TENM3: variants seen among roughly 807,000 people sequenced by gnomAD.
TENM3 encodes teneurin-3.
A neutral mutation model predicts 255.1 loss-of-function variants in TENM3; 63 were observed. The ratio of observed to expected loss-of-function variants is 0.25; its 90% CI spans 0.20 to 0.30. TENM3 has a LOEUF of 0.30. TENM3 is among the 10% of genes least tolerant of loss of function. The probability of loss-of-function intolerance (pLI) is 1.00; values close to 1 mark genes in which losing one functional copy is unlikely to be tolerated. For missense variants in TENM3, 2,929 were observed against 3,461.1 expected (o/e 0.85, Z 3.86); for synonymous variants, 1,306 against 1,322.3 (o/e 0.99, Z 0.27).
At chr4:181,498,487 G>A in the TENM3 span, among the ~76,000 whole-genome samples, 8 of 152,244 alleles carry the variant, frequency 5.3e-5, no homozygotes, top group East Asian at 9.7e-4. Context: ...AGCTTAAGAC[G>A]ATGGTAAAGG....
intron 1 of TENM3, among the ~76,000 whole-genome samples, chr4:182,198,463 T>C (rs1283128951): frequency 6.6e-6 from 1 of 152,246 alleles, no homozygotes; most frequent in Non-Finnish European, 1.5e-5. Flanking sequence ...GACACTCACA[T>C]CAGGATTGGC....
chr4:182,602,027 C>T (rs1240272145), intron 4 of TENM3, among the ~76,000 whole-genome samples: 2 of 152,206 alleles, frequency 1.3e-5, no homozygotes, highest in Non-Finnish European at 2.9e-5. Context: ...GTATGATCAG[C>T]GAAAGCTGTT....
the TENM3 span, among the ~76,000 whole-genome samples, chr4:182,053,197 A>G: frequency 1.3e-5 from 2 of 152,070 alleles, no homozygotes; most frequent in African/African-American, 2.4e-5. Context: ...CTCCTCTACA[A>G]ACCAAAAATG....
At chr4:182,120,267 A>C in the TENM3 span, among the ~76,000 whole-genome samples, 1 of 152,178 alleles carries the variant, frequency 6.6e-6, no homozygotes, top group Non-Finnish European at 1.5e-5. Flanking sequence ...CATGCTGTAC[A>C]GGTTTGTAGC....
the TENM3 span, among the ~76,000 whole-genome samples, chr4:181,793,994 G>A: frequency 6.6e-6 from 1 of 151,826 alleles, no homozygotes; most frequent in Non-Finnish European, 1.5e-5. Flanking sequence ...ATAACACCTG[G>A]CAACATCCAA....
chr4:182,145,705 G>A (rs1247049437), intron 1 of TENM3, among the ~76,000 whole-genome samples: 1 of 152,206 alleles, frequency 6.6e-6, no homozygotes, highest in Non-Finnish European at 1.5e-5. Context: ...AGGTACGTGT[G>A]AGGAGGTGCA....
At chr4:182,605,565 T>C (rs1164841224) in intron 4 of TENM3, among the ~76,000 whole-genome samples, 1 of 152,170 alleles carries the variant, frequency 6.6e-6, no homozygotes, top group African/African-American at 2.4e-5. Flanking sequence ...CTAAGTCTCT[T>C]AAAATATGGC....
At chr4:182,454,842 G>A (rs906226793) in intron 3 of TENM3, among the ~76,000 whole-genome samples, 9 of 152,224 alleles carry the variant, frequency 5.9e-5, no homozygotes, top group Middle Eastern at 3.4e-3. Flanking sequence ...AAGAGCTAAC[G>A]TTTTTGGAAA....
the TENM3 span, among the ~76,000 whole-genome samples, chr4:181,517,990 G>A: frequency 1.3e-5 from 2 of 152,164 alleles, no homozygotes; most frequent in South Asian, 4.1e-4. Flanking sequence ...GGATTAACAC[G>A]TGTTGTGTAG....
chr4:181,741,250 G>T, the TENM3 span, among the ~76,000 whole-genome samples: 7 of 152,140 alleles, frequency 4.6e-5, no homozygotes, highest in African/African-American at 1.7e-4. Flanking sequence ...ACAAGCCATG[G>T]TGTTTATTTT....
the TENM3 span, among the ~76,000 whole-genome samples, chr4:181,538,384 T>C: frequency 6.6e-6 from 1 of 152,140 alleles, no homozygotes; most frequent in African/African-American, 2.4e-5. Context: ...CATAGGCACT[T>C]GTAAGCAATA....
chr4:181,963,671 A>G, the TENM3 span, among the ~76,000 whole-genome samples: 13 of 150,412 alleles, frequency 8.6e-5, no homozygotes, highest in African/African-American at 3.3e-4. Flanking sequence ...TCCTTCAATG[A>G]ACTGTGTATA....
chr4:182,421,735 A>G (rs1770845418), intron 3 of TENM3, among the ~76,000 whole-genome samples: 1 of 152,238 alleles, frequency 6.6e-6, no homozygotes, highest in African/African-American at 2.4e-5. Context: ...TAAAATGAAA[A>G]GAGCTGTGAA....
chr4:181,982,065 T>C, the TENM3 span, among the ~76,000 whole-genome samples: 1 of 152,244 alleles, frequency 6.6e-6, no homozygotes, highest in African/African-American at 2.4e-5. Flanking sequence ...CCCTGTGGTA[T>C]AGAGACCAGG....
chr4:182,455,399 C>A (rs1045948649), intron 3 of TENM3, among the ~76,000 whole-genome samples: 1 of 151,970 alleles, frequency 6.6e-6, no homozygotes, highest in African/African-American at 2.4e-5. Context: ...AGTTGTCATT[C>A]TGAGTTGTGT....
At chr4:181,893,491 A>AC in the TENM3 span, among the ~76,000 whole-genome samples, 512 of 24,880 alleles carry the variant, frequency 0.021, 5 homozygotes, top group African/African-American at 0.048. Flanking sequence ...TCCCCTGCCC[A>AC]CCCCCCCCCC....
chr4:182,773,881 G>C, intron 23 of TENM3: 1 of 359,546 alleles, frequency 2.8e-6, no homozygotes, highest in Non-Finnish European at 4.9e-6. Flanking sequence ...CCATTCCCAT[G>C]TATTAAAACA....
chr4:182,448,967 C>T, intron 3 of TENM3: 1 of 395,606 alleles, frequency 2.5e-6, no homozygotes, highest in Non-Finnish European at 5.1e-6. Flanking sequence ...TGTCTGGCCG[C>T]CGCGCGCAGC....
At chr4:181,798,202 T>C in the TENM3 span, among the ~76,000 whole-genome samples, 1 of 152,144 alleles carries the variant, frequency 6.6e-6, no homozygotes, top group Non-Finnish European at 1.5e-5. Flanking sequence ...AACCAACCTC[T>C]TATTTTACAA....
Sources: gnomAD v4.1 joint callset for allele counts (sites outside exome capture counted in the v4.1 genomes callset) on GRCh38, gnomAD v4.1.1 for gene constraint, MANE v1.5 for transcripts, NCBI Gene and HGNC (gene_info 2026-07-23, HGNC 2026-07-21) for gene names.